The following ASTN1 variants were observed in gnomAD, a reference collection of about 807,000 sequenced individuals.
ASTN1 encodes the protein astrotactin 1.
In ASTN1, 41 loss-of-function variants were observed where a neutral mutation model predicts 140.7. The observed-to-expected ratio is 0.29, with a 90% CI of 0.23 to 0.38. The LOEUF (loss-of-function observed/expected upper bound fraction) is 0.38. ASTN1 is among the 10% of genes least tolerant of loss of function. The pLI, the probability that ASTN1 is intolerant of heterozygous loss-of-function variation, is 1.00. For synonymous variants in ASTN1, 640 were observed against 652.2 expected (o/e 0.98, Z 0.29); for missense variants, 1,479 against 1,678.8 (o/e 0.88, Z 2.08).
intron 8 of ASTN1, among the ~76,000 whole-genome samples, chr1:176,969,158 C>T (rs943321982): frequency 2.0e-5 from 3 of 152,096 alleles, no homozygotes; most frequent in Admixed American, 2.0e-4. Context: ...CCCCCCGCCT[C>T]CCCGCCAAAA....
intron 11 of ASTN1, among the ~76,000 whole-genome samples, chr1:176,953,230 C>A (rs1672266388): frequency 1.3e-5 from 2 of 152,176 alleles, no homozygotes; most frequent in South Asian, 4.1e-4. Context: ...AAGATGCATA[C>A]TTCCGTTCCA....
At chr1:176,908,220 G>A (rs1157724664) in intron 16 of ASTN1, among the ~76,000 whole-genome samples, 7 of 152,034 alleles carry the variant, frequency 4.6e-5, no homozygotes, top group Non-Finnish European at 8.8e-5. Flanking sequence ...AGCAACAGCA[G>A]CAGCCATAGC....
chr1:177,122,363 C>T (rs904777198), intron 1 of ASTN1, among the ~76,000 whole-genome samples: 12 of 152,144 alleles, frequency 7.9e-5, no homozygotes, highest in African/African-American at 2.7e-4. Flanking sequence ...TCTTTACTTC[C>T]TGTCAACCTG....
At chr1:176,985,835 T>C (rs896291721) in intron 8 of ASTN1, among the ~76,000 whole-genome samples, 3 of 144,622 alleles carry the variant, frequency 2.1e-5, no homozygotes, top group African/African-American at 7.9e-5. Context: ...GTTCTCTCTC[T>C]CTCTCTCTCT....
intron 1 of ASTN1, among the ~76,000 whole-genome samples, chr1:177,106,034 T>C (rs751792954): frequency 1.4e-4 from 22 of 152,074 alleles, no homozygotes; most frequent in Non-Finnish European, 2.2e-4. Flanking sequence ...AAACATGCAG[T>C]ACAGAGAGGT....
intron 16 of ASTN1, among the ~76,000 whole-genome samples, chr1:176,911,452 T>C (rs1670234960): frequency 6.6e-6 from 1 of 152,218 alleles, no homozygotes; most frequent in South Asian, 2.1e-4. Context: ...AACACTGAGC[T>C]TAAAACACAA....
intron 16 of ASTN1, among the ~76,000 whole-genome samples, chr1:176,930,945 G>A (rs562628548): frequency 6.6e-6 from 1 of 152,238 alleles, no homozygotes; most frequent in African/African-American, 2.4e-5. Flanking sequence ...AAGAGGTTGT[G>A]AAGATTAAAA....
chr1:177,152,363 C>T (rs764037996), intron 1 of ASTN1, among the ~76,000 whole-genome samples: 2 of 152,080 alleles, frequency 1.3e-5, no homozygotes, highest in Admixed American at 1.3e-4. Flanking sequence ...CACGTTCCCT[C>T]AACCAAAGGT....
chr1:176,863,691 C>T lies in ASTN1; in HGVS notation c.*593G>A, dbSNP rs539999372. 1.0e-6 allele frequency: 1 copy of T among 985,796 alleles called. No individual in the cohort carries two copies. Among genetic ancestry groups the T allele is most frequent in the East Asian group, 1.1e-4 (1 of 8,804 alleles). 61.1% of individuals were successfully genotyped at this position (985,796 alleles called of 1,614,324 possible). ...GGGCCTATAATGAAAGCTGGTTTCA[C>T]CTTTCGGGTATGGAAATAGTGATAG... is the stretch of plus-strand genomic sequence containing the variant. On this transcript the variant is annotated 3_prime_UTR_variant, in exon 23 of 23. Transcript: ENST00000361833.
chr1:176,865,221 T>G (rs1474433153), intron 22 of ASTN1, among the ~76,000 whole-genome samples: 2 of 152,112 alleles, frequency 1.3e-5, no homozygotes, highest in African/African-American at 2.4e-5. Flanking sequence ...GAGAAGGTGA[T>G]GAAGGTCACC....
chr1:176,857,392 G>A, downstream of ASTN1: 2 of 397,952 alleles, frequency 5.0e-6, no homozygotes, highest in Non-Finnish European at 4.4e-6. Flanking sequence ...ATTCCACAGA[G>A]GAAGTTCAAG....
At position 176,861,995 on chromosome 1, in the gene ASTN1, C is replaced by T. The variant is rs1290556627; in HGVS notation, c.*2289G>A. The T allele has an allele frequency of 1.0e-6, 1 of 985,422 alleles. No individual in the cohort carries two copies. Among genetic ancestry groups the T allele is most frequent in the Non-Finnish European group, 1.2e-6 (1 of 830,048 alleles). 61.0% of individuals were successfully genotyped at this position (985,422 alleles called of 1,614,324 possible). On this transcript the variant is annotated 3_prime_UTR_variant, in exon 23 of 23. Transcript: ENST00000361833. ...CTGGGCAGGAAGGCATCGGCAGCCT[C>T]ACCCTCCTTTCACTCAAGCTTAAAA...
At chr1:176,900,214 G>A (rs1022729623) in intron 16 of ASTN1, among the ~76,000 whole-genome samples, 1 of 152,168 alleles carries the variant, frequency 6.6e-6, no homozygotes. Context: ...TGACAGCCAA[G>A]TCTATATACC....
intron 1 of ASTN1, among the ~76,000 whole-genome samples, chr1:177,062,433 C>T (rs1340763791): frequency 6.6e-6 from 1 of 151,396 alleles, no homozygotes; most frequent in Non-Finnish European, 1.5e-5. Flanking sequence ...TTTGTAGAGA[C>T]AGGATCTCCA....
intron 1 of ASTN1, among the ~76,000 whole-genome samples, chr1:177,084,126 C>T (rs1679311238): frequency 6.6e-6 from 1 of 152,192 alleles, no homozygotes; most frequent in Non-Finnish European, 1.5e-5. Context: ...GACTCCAAGG[C>T]ACAGTGCTGC....
intron 2 of ASTN1, among the ~76,000 whole-genome samples, chr1:177,035,823 A>C (rs1204115870): frequency 6.6e-6 from 1 of 152,308 alleles, no homozygotes; most frequent in South Asian, 2.1e-4. Flanking sequence ...CATTTTGGTA[A>C]GTTCATCCAA....
intron 21 of ASTN1, among the ~76,000 whole-genome samples, chr1:176,869,663 G>A (rs1339334425): frequency 6.6e-6 from 1 of 152,190 alleles, no homozygotes; most frequent in Admixed American, 6.5e-5. Flanking sequence ...TCATTCAGGG[G>A]TAGAAGGAAA....
chr1:176,890,024 C>T (rs1669194710), intron 17 of ASTN1, among the ~76,000 whole-genome samples: 1 of 152,224 alleles, frequency 6.6e-6, no homozygotes, highest in South Asian at 2.1e-4. Flanking sequence ...GTGACTACTG[C>T]CTTGCAGAGC....
chr1:177,029,543 G>A (rs780251497), intron 5 of ASTN1, 91 bp downstream of exon 5: 42 of 1,328,098 alleles, frequency 3.2e-5, no homozygotes, highest in Non-Finnish European at 4.5e-5. Flanking sequence ...GTTCCATAGA[G>A]CCCACAACCC....
Sources: allele counts gnomAD v4.1 joint callset (sites outside exome capture counted in the v4.1 genomes callset), GRCh38; gene constraint gnomAD v4.1.1; transcripts MANE v1.5; gene names NCBI Gene and HGNC (gene_info 2026-07-23, HGNC 2026-07-21).